Variants in ARAP2 observed in about 807,000 individuals in gnomAD.
The protein encoded by ARAP2 is ArfGAP with RhoGAP domain, ankyrin repeat and PH domain 2, also known as arf-GAP with Rho-GAP domain, ANK repeat and PH domain-containing protein 2.
Under a neutral mutation model 194.5 loss-of-function variants are expected in ARAP2, and 148 were observed. The observed-to-expected ratio is 0.76, with a 90% CI of 0.67 to 0.87. The LOEUF is 0.87. Among genes scored for constraint, ARAP2 ranks in the 40% least tolerant of loss-of-function variants. The probability of loss-of-function intolerance (pLI) is 0.00; values close to 1 mark genes in which losing one functional copy is unlikely to be tolerated. For synonymous variants in ARAP2, 695 were observed against 683.5 expected (o/e 1.02, Z -0.26); for missense variants, 2,128 against 1,989.7 (o/e 1.07, Z -1.32).
chr4:36,089,929 T>C (rs1445014653), intron 28 of ARAP2, among the ~76,000 whole-genome samples: 1 of 152,062 alleles, frequency 6.6e-6, no homozygotes, highest in Admixed American at 6.6e-5. Context: ...CCTATTCATA[T>C]TCTTAGTGGT....
chr4:36,130,385 C>A (rs1367363866), intron 20 of ARAP2, among the ~76,000 whole-genome samples: 1 of 151,932 alleles, frequency 6.6e-6, no homozygotes, highest in Non-Finnish European at 1.5e-5. Flanking sequence ...CCTTCTCACA[C>A]TAAGCTCTGG....
In ARAP2 at chr4:36,160,442, T is replaced by A; in HGVS notation, c.2442+17A>T. 2.0e-6 allele frequency: 3 copies of A among 1,515,458 alleles called. No homozygotes were observed. The South Asian group carries it at 4.0e-5, about 20-fold the overall frequency. The allele number at this position is 1,515,458 out of a possible 1,614,324, so 93.9% of individuals were successfully genotyped here. On this transcript the variant is annotated intron_variant, in intron 13 of 32. Transcript: ENST00000303965. ...AGACATTAAAATCCACGTCTGCTGT[T>A]ATGTTTAATTGAATACCTTATTTAA... is the stretch of plus-strand genomic sequence containing the variant.
intron 7 of ARAP2, among the ~76,000 whole-genome samples, chr4:36,191,031 A>G (rs1444880973): frequency 6.6e-6 from 1 of 152,226 alleles, no homozygotes; most frequent in African/African-American, 2.4e-5. Flanking sequence ...GGGAAAGGGC[A>G]CAGCATCTTT....
At chr4:36,141,760 G>A (rs1055295850) in intron 19 of ARAP2, among the ~76,000 whole-genome samples, 2 of 151,618 alleles carry the variant, frequency 1.3e-5, no homozygotes, top group African/African-American at 4.8e-5. Context: ...TAAGGTTCAA[G>A]CTTATAGCTG....
chr4:36,225,897 T>C (rs1750195069), intron 2 of ARAP2, among the ~76,000 whole-genome samples: 1 of 152,148 alleles, frequency 6.6e-6, no homozygotes, highest in Admixed American at 6.5e-5. Flanking sequence ...CCAATCAATA[T>C]CAATATCATT....
intron 19 of ARAP2, among the ~76,000 whole-genome samples, chr4:36,143,787 T>G (rs147263593): frequency 9.5e-4 from 145 of 151,954 alleles, no homozygotes; most frequent in African/African-American, 3.4e-3. Flanking sequence ...CTATTATTAC[T>G]CTTCACTTTC....
At chr4:36,137,283 T>C (rs1222984542) in intron 19 of ARAP2, among the ~76,000 whole-genome samples, 2 of 151,772 alleles carry the variant, frequency 1.3e-5, no homozygotes, top group African/African-American at 2.4e-5. Context: ...TAGCCAAGCA[T>C]TGCAAAAATG....
Position 36,134,405 on chromosome 4 carries a change from C to T in ARAP2, c.3264-1016G>A, listed in dbSNP as rs73809111. On this transcript the variant is annotated intron_variant, in intron 19 of 32. Coordinates refer to ENST00000303965, the MANE Select transcript of ARAP2 (RefSeq NM_015230.4). ...GCCACATGTCTTCAGTCACAAAATT[C>T]TGTTGACTACAGTTTCCCAATGTAT... 5.3e-3 allele frequency among the ~76,000 whole-genome samples: 803 copies of T among 151,692 alleles called. 10 individuals carry two copies. The highest frequency in any genetic ancestry group is 0.018 in the African/African-American group (756 of 41,442).
Position 36,148,479 on chromosome 4 carries a change from G to T in ARAP2, c.2926C>A (p.Pro976Thr). 6.2e-7 allele frequency: 1 copy of T among 1,612,996 alleles called. No homozygotes were observed. Among genetic ancestry groups the T allele is most frequent in the South Asian group, 1.1e-5 (1 of 91,020 alleles). The change falls in exon 17 of 33, where the codon CCC becomes ACC. Residue 976 changes from proline (P) to threonine (T), a missense_variant. Pro to Thr is a conservative substitution (Grantham distance 38). Coordinates refer to ENST00000303965, the MANE Select transcript of ARAP2 (RefSeq NM_015230.4). ...CCAAATAAAAACACACGTTCGGAGG[G>T]TAAGTAGATCTCAAAGATAAAGATG... ...GPIFIFEIYL[P>T]SERVFLFGAE...
Position 36,117,347 on chromosome 4 carries a change from A to C in ARAP2, c.3964-212T>G, listed in dbSNP as rs562510214. Among the ~76,000 whole-genome samples the C allele has an allele frequency of 4.0e-5, 6 of 151,842 alleles. No individual in the cohort carries two copies. The South Asian group carries it at 8.3e-4, about 21-fold the overall frequency. ...CACAAATGTTATAATCAGCAACAAC[A>C]ACCACAATGATTTTCTTTTTTATCT... On this transcript the variant is annotated intron_variant, in intron 24 of 32. Transcript: ENST00000303965.
intron 20 of ARAP2, 74 bp downstream of exon 20, chr4:36,133,152 G>T: frequency 6.8e-7 from 1 of 1,466,496 alleles, no homozygotes; most frequent in Non-Finnish European, 9.4e-7. Context: ...CAGTCCAATA[G>T]AGGTACCACT....
chr4:36,086,314 A>C (rs538390882), intron 28 of ARAP2, among the ~76,000 whole-genome samples: 1 of 152,070 alleles, frequency 6.6e-6, no homozygotes, highest in Admixed American at 6.6e-5. Context: ...CATTTTGAAA[A>C]ACTTTTGGTA....
intron 2 of ARAP2, among the ~76,000 whole-genome samples, chr4:36,054,896 A>G (rs1296352698): frequency 6.6e-6 from 1 of 152,192 alleles, no homozygotes; most frequent in South Asian, 2.1e-4. Flanking sequence ...TACTTTAAGG[A>G]CATTTTATAA....
At chr4:36,020,470 A>G (rs1309763097) in intron 5 of ARAP2, among the ~76,000 whole-genome samples, 3 of 152,098 alleles carry the variant, frequency 2.0e-5, no homozygotes, top group Non-Finnish European at 4.4e-5. Flanking sequence ...TAAGCAACTA[A>G]TGGGCAGGTT....
At chr4:36,137,008 A>G (rs79953964) in intron 19 of ARAP2, among the ~76,000 whole-genome samples, 4,686 of 151,924 alleles carry the variant, frequency 0.031, 100 homozygotes, top group Non-Finnish European at 0.048. Flanking sequence ...CAATTTATCA[A>G]AGATCTAAAA....
chr4:36,163,687 G>T (rs1238936494), intron 11 of ARAP2, among the ~76,000 whole-genome samples: 1 of 152,010 alleles, frequency 6.6e-6, no homozygotes, highest in African/African-American at 2.4e-5. Context: ...TGAAACAAAA[G>T]AAACCATGGC....
chr4:36,070,083 C>G (rs1726467454), intron 32 of ARAP2, among the ~76,000 whole-genome samples: 1 of 152,160 alleles, frequency 6.6e-6, no homozygotes, highest in Non-Finnish European at 1.5e-5. Context: ...AATTAAACAT[C>G]TTTTCTTCAT....
At chr4:36,046,634 A>G (rs1342985194) in intron 4 of ARAP2, 1 of 152,268 alleles carries the variant, frequency 6.6e-6, no homozygotes, top group Non-Finnish European at 1.5e-5. Flanking sequence ...TATCATCCCC[A>G]AAAGTTGTAT....
rs1417211790 is a variant in ARAP2 at position 36,150,880 on chromosome 4, T to C, written c.2897+20A>G. The stretch of plus-strand genomic sequence containing the variant: ...TCTGAAAATACCTTTTACCTCCTAA[T>C]TGTGTAATGACAGACCTACCCAGTA... On this transcript the variant is annotated intron_variant, in intron 16 of 32. Transcript: ENST00000303965. 6.2e-7 allele frequency: 1 copy of C among 1,601,664 alleles called. No individual in the cohort carries two copies.
Sources: allele counts gnomAD v4.1 joint callset (sites outside exome capture counted in the v4.1 genomes callset), GRCh38; gene constraint gnomAD v4.1.1; transcripts MANE v1.5; gene names NCBI Gene and HGNC (gene_info 2026-07-23, HGNC 2026-07-21).